Variants in WWTR1 observed in about 807,000 individuals in gnomAD.
WWTR1 encodes WW domain-containing transcription regulator protein 1.
A neutral mutation model predicts 40.1 loss-of-function variants in WWTR1; 13 were observed. That is an observed-to-expected ratio of 0.32 (90% CI 0.21 to 0.52). The LOEUF (loss-of-function observed/expected upper bound fraction) is 0.52, where lower values mean the gene tolerates loss of function less well. WWTR1 is among the 20% of genes least tolerant of loss of function. WWTR1 has a pLI of 0.97. For synonymous variants in WWTR1, 230 were observed against 210.1 expected, an observed-to-expected ratio of 1.09 and a Z score of -0.82; for missense variants, 436 against 523.1, an observed-to-expected ratio of 0.83 and a Z score of 1.63.
chr3:149,598,175 T>G (rs562050102), intron 2 of WWTR1, among the ~76,000 whole-genome samples: 8 of 152,320 alleles, frequency 5.3e-5, no homozygotes, highest in African/African-American at 1.9e-4. Context: ...TCACATTACC[T>G]GTCTCCTAGC....
At chr3:149,687,315 C>T (rs946610140) in intron 1 of WWTR1, among the ~76,000 whole-genome samples, 3 of 152,186 alleles carry the variant, frequency 2.0e-5, no homozygotes, top group African/African-American at 7.2e-5. Flanking sequence ...GTGAATCCTG[C>T]CCTGACTCTG....
Position 149,519,032 on chromosome 3 carries a change from C to A in WWTR1, c.*1773G>T, listed in dbSNP as rs868156172. ...AAGGAATCTTATTTAAGATCCCCAA[C>A]AAATAAGTCCCCCATGGAAATTGAA... On this transcript the variant is annotated 3_prime_UTR_variant, in exon 7 of 7. Transcript: ENST00000360632. The A allele has an allele frequency of 5.3e-5, 8 of 152,114 alleles. No homozygotes were observed. Among genetic ancestry groups the A allele is most frequent in the Middle Eastern group, 6.8e-3 (2 of 292 alleles). 9.4% of individuals were successfully genotyped at this position (152,114 alleles called of 1,614,324 possible). A position where few individuals can be genotyped will look rare whatever the true frequency, so the allele number is the denominator to read the frequency against.
intron 2 of WWTR1, among the ~76,000 whole-genome samples, chr3:149,585,752 T>C (rs1016957772): frequency 1.8e-4 from 27 of 152,186 alleles, no homozygotes; most frequent in African/African-American, 6.3e-4. Context: ...CACAGTAAGA[T>C]TGAATGCAAG....
chr3:149,538,325 T>C (rs991337238), intron 4 of WWTR1, among the ~76,000 whole-genome samples: 7 of 152,230 alleles, frequency 4.6e-5, no homozygotes, highest in African/African-American at 1.7e-4. Context: ...GCTTTTTTTT[T>C]CTAGAGTTGC....
chr3:149,688,296 C>A (rs1213274507), intron 1 of WWTR1, among the ~76,000 whole-genome samples: 1 of 151,984 alleles, frequency 6.6e-6, no homozygotes, highest in African/African-American at 2.4e-5. Flanking sequence ...TAAGCAATAG[C>A]CAGGCAATAA....
intron 2 of WWTR1, among the ~76,000 whole-genome samples, chr3:149,591,776 T>G (rs369235810): frequency 6.6e-6 from 1 of 152,222 alleles, no homozygotes. Context: ...TTTAAATGAC[T>G]TGAGAAAAAA....
At chr3:149,637,937 C>T (rs1711928234) in intron 2 of WWTR1, among the ~76,000 whole-genome samples, 1 of 152,120 alleles carries the variant, frequency 6.6e-6, no homozygotes, top group African/African-American at 2.4e-5. Flanking sequence ...GCAGTGGCAA[C>T]CAGGCACGGT....
chr3:149,680,087 C>T (rs1714404926), intron 1 of WWTR1, among the ~76,000 whole-genome samples: 1 of 152,110 alleles, frequency 6.6e-6, no homozygotes, highest in South Asian at 2.1e-4. Context: ...ATAAGGTGAC[C>T]ACACAATTTA....
intron 3 of WWTR1, among the ~76,000 whole-genome samples, chr3:149,546,679 T>TA (rs1275738269): frequency 6.6e-6 from 1 of 152,116 alleles, no homozygotes; most frequent in Non-Finnish European, 1.5e-5. Context: ...TAAGTGAAAA[T>TA]AAAAATTTTA....
At chr3:149,615,027 T>C (rs1739907359) in intron 2 of WWTR1, among the ~76,000 whole-genome samples, 2 of 152,082 alleles carry the variant, frequency 1.3e-5, no homozygotes, top group Non-Finnish European at 2.9e-5. Flanking sequence ...GGGGGGTACA[T>C]TATACTAGTC....
intron 2 of WWTR1, among the ~76,000 whole-genome samples, chr3:149,619,507 C>T (rs1403319010): frequency 2.0e-5 from 3 of 152,128 alleles, no homozygotes; most frequent in Non-Finnish European, 4.4e-5. Flanking sequence ...CCTGCAGTCC[C>T]AGCTACTCAG....
At chr3:149,638,993 C>T (rs746998108) in intron 2 of WWTR1, among the ~76,000 whole-genome samples, 34 of 152,282 alleles carry the variant, frequency 2.2e-4, no homozygotes, top group Middle Eastern at 3.4e-3. Context: ...GCACATCCAG[C>T]AAATCTGATG....
intron 2 of WWTR1, among the ~76,000 whole-genome samples, chr3:149,614,678 G>C (rs1739883262): frequency 6.6e-6 from 1 of 152,166 alleles, no homozygotes; most frequent in Admixed American, 6.5e-5. Flanking sequence ...TCTTTCAAAA[G>C]GAGACATCAG....
At chr3:149,720,451 A>G (rs940459506) in intron 4 of WWTR1, among the ~76,000 whole-genome samples, 1 of 152,012 alleles carries the variant, frequency 6.6e-6, no homozygotes, top group African/African-American at 2.4e-5. Flanking sequence ...TTATTTCTGG[A>G]TTCTCTATTG....
rs561380220 is a variant in WWTR1 at position 149,693,724 on chromosome 3, C to G, written c.-108+9400G>C. Among the ~76,000 whole-genome samples, 3 of 152,112 alleles carry G rather than the reference C, an allele frequency of 2.0e-5. No homozygotes were observed. In the South Asian group the frequency reaches 6.2e-4, roughly 32 times the overall value. On this transcript the variant is annotated intron_variant, in intron 1 of 7. Coordinates refer to the WWTR1 transcript ENST00000465804. The stretch of plus-strand genomic sequence containing the variant: ...AGTGAATTCATTTTCAACAAAGGTA[C>G]CAAGAACATACACTGGGGAAAGGAC...
chr3:149,615,044 T>A (rs573366754), intron 2 of WWTR1, among the ~76,000 whole-genome samples: 1 of 152,168 alleles, frequency 6.6e-6, no homozygotes, highest in African/African-American at 2.4e-5. Flanking sequence ...AGTCTACTAG[T>A]ATTGAGGTAT....
intron 1 of WWTR1, among the ~76,000 whole-genome samples, chr3:149,686,850 G>A (rs548150485): frequency 7.9e-5 from 12 of 152,166 alleles, no homozygotes; most frequent in Admixed American, 5.2e-4. Context: ...TATCCACCCC[G>A]CTTCTGAACT....
At chr3:149,698,498 G>A (rs530934562) in intron 1 of WWTR1, among the ~76,000 whole-genome samples, 2 of 152,350 alleles carry the variant, frequency 1.3e-5, no homozygotes, top group East Asian at 3.9e-4. Flanking sequence ...TATTAGCAGT[G>A]TGAGAACAGA....
intron 2 of WWTR1, among the ~76,000 whole-genome samples, chr3:149,629,573 A>G (rs1711501570): frequency 2.0e-5 from 3 of 152,356 alleles, no homozygotes; most frequent in South Asian, 4.1e-4. Flanking sequence ...TCCAAATACC[A>G]GTAACTTGTT....
Sources: gnomAD v4.1 joint callset for allele counts (sites outside exome capture counted in the v4.1 genomes callset) on GRCh38, gnomAD v4.1.1 for gene constraint, MANE v1.5 for transcripts, NCBI Gene and HGNC (gene_info 2026-07-23, HGNC 2026-07-21) for gene names.